The following KIRREL3 variants were observed in gnomAD, a reference collection of about 807,000 sequenced individuals.
KIRREL3 encodes kin of IRRE-like protein 3.
KIRREL3 carries 36 observed loss-of-function variants against 89.7 expected under a neutral mutation model. The observed-to-expected ratio is 0.40, with a 90% CI of 0.31 to 0.53. KIRREL3 has a LOEUF of 0.53. Ranked by LOEUF, KIRREL3 falls within the 20% of genes least tolerant of loss-of-function variation. The pLI, the probability that KIRREL3 is intolerant of heterozygous loss-of-function variation, is 0.49. For synonymous variants in KIRREL3, 445 were observed against 441.4 expected (o/e 1.01, Z -0.10); for missense variants, 864 against 1,056.6 (o/e 0.82, Z 2.53).
At chr11:126,517,317 G>C (rs529722151) in intron 4 of KIRREL3, among the ~76,000 whole-genome samples, 1 of 152,314 alleles carries the variant, frequency 6.6e-6, no homozygotes, top group Admixed American at 6.5e-5. Context: ...CCAGCCTTAA[G>C]GACCTTGCCC....
intron 1 of KIRREL3, among the ~76,000 whole-genome samples, chr11:126,910,377 C>T (rs1001564162): frequency 1.3e-5 from 2 of 151,920 alleles, no homozygotes; most frequent in African/African-American, 2.4e-5. Context: ...GGGGTTGGGG[C>T]CTAGTGGGTA....
Position 126,429,285 on chromosome 11 carries a change from A to G in KIRREL3, c.1700T>C (p.Leu567Pro). ...AFCCARSQRN[L>P]KGVVSAKNDI... ...ATTTTTGGCTGACACAACACCTTTGAGATCTGGAGATAAAATAGTAAAGTG... is the reference window on the plus strand; with the variant it reads ...ATTTTTGGCTGACACAACACCTTTGGGATCTGGAGATAAAATAGTAAAGTG... Residue 567 changes from leucine to proline, a missense_variant, in exon 15 of 17, where the codon CTC (leucine) becomes CCC (proline). By Grantham distance (98) the Leu-to-Pro change is moderately conservative. Coordinates refer to ENST00000525144, the MANE Select transcript of KIRREL3 (RefSeq NM_032531.4). This position sits in a 1 kb window ranked among gnomAD's most constrained non-coding sequence, Gnocchi z 5.2. 6.2e-7 allele frequency: 1 copy of G among 1,603,810 alleles called. No individual in the cohort carries two copies. The highest frequency in any genetic ancestry group is 8.5e-7 in the Non-Finnish European group (1 of 1,170,656).
intron 5 of KIRREL3, among the ~76,000 whole-genome samples, chr11:126,468,230 G>A (rs769128733): frequency 3.3e-5 from 5 of 152,202 alleles, no homozygotes; most frequent in Admixed American, 6.5e-5. Flanking sequence ...AAGAAAGAAT[G>A]TGGTCTCCAC....
intron 1 of KIRREL3, among the ~76,000 whole-genome samples, chr11:126,853,402 T>C (rs1413279569): frequency 2.0e-5 from 3 of 152,250 alleles, no homozygotes; most frequent in Non-Finnish European, 1.5e-5. Context: ...TTTTCATTTA[T>C]AACAAGAAGT....
Position 126,428,592 on chromosome 11 carries a change from CAT to C in KIRREL3, c.1806+585_1806+586del, listed in dbSNP as rs1955021574. Among the ~76,000 whole-genome samples the C allele has an allele frequency of 6.6e-6, 1 of 152,070 alleles. No homozygotes were observed. Among genetic ancestry groups the C allele is most frequent in the South Asian group, 2.1e-4 (1 of 4,816 alleles). On this transcript the variant is annotated intron_variant, in intron 15 of 16. Transcript: ENST00000525144. This position sits in a 1 kb window ranked among gnomAD's most constrained non-coding sequence, Gnocchi z 6.4. The stretch of plus-strand genomic sequence containing the variant: ...TAACAACATATTGTGGCAATTTATG[CAT>C]ATGTCTTTTCTCCTTACTGAAGAGC...
intron 1 of KIRREL3, among the ~76,000 whole-genome samples, chr11:126,597,248 C>T (rs1042521076): frequency 6.6e-6 from 1 of 152,188 alleles, no homozygotes; most frequent in African/African-American, 2.4e-5. Context: ...GGCCAGAGCC[C>T]GCCTGTCACT....
chr11:127,003,316 C>A (rs1305378992), upstream of KIRREL3: 1 of 152,348 alleles, frequency 6.6e-6, no homozygotes, highest in East Asian at 1.9e-4. Flanking sequence ...CCGCCATCTC[C>A]GCCCGGCTGC....
At chr11:126,722,275 G>C (rs1948205103) in intron 1 of KIRREL3, among the ~76,000 whole-genome samples, 1 of 152,190 alleles carries the variant, frequency 6.6e-6, no homozygotes. Context: ...CTTCCCAAAA[G>C]GCCCTTCTCC....
At chr11:126,804,668 A>G (rs540276225) in intron 1 of KIRREL3, among the ~76,000 whole-genome samples, 1 of 152,308 alleles carries the variant, frequency 6.6e-6, no homozygotes, top group East Asian at 1.9e-4. Context: ...GGAGCTATGA[A>G]ATATACCTCC....
At chr11:126,618,667 T>C (rs552971139) in intron 1 of KIRREL3, among the ~76,000 whole-genome samples, 1 of 152,354 alleles carries the variant, frequency 6.6e-6, no homozygotes, top group South Asian at 2.1e-4. Flanking sequence ...ACTCCTGACC[T>C]CAGGTGATCC....
rs1949898753 is a variant in KIRREL3 at position 126,987,453 on chromosome 11, G to A, written c.55+13002C>T. Among the ~76,000 whole-genome samples, 1 of 152,220 alleles carries A rather than the reference G, an allele frequency of 6.6e-6. No homozygotes were observed. Among genetic ancestry groups the A allele is most frequent in the Non-Finnish European group, 1.5e-5 (1 of 68,050 alleles). Reference sequence around the variant, plus strand: ...CTGTTATTTTCACAGACAAACAGGAGAGGTAAGTGTTCAGATTTTCTGGTT... The same window carrying A: ...CTGTTATTTTCACAGACAAACAGGAAAGGTAAGTGTTCAGATTTTCTGGTT... On this transcript the variant is annotated intron_variant, in intron 1 of 16. Transcript: ENST00000525144. The surrounding 1 kb of genome is among the most constrained non-coding windows in gnomAD (Gnocchi z 4.6).
rs1460300179 is a variant in KIRREL3, at chr11:126,943,007, G to A, written c.55+57448C>T. Reference sequence around the variant, plus strand: ...TAAGGAGGCTATATGACTGTGGAGAGGAACATTAAAAGATTTTATTCTAAG... The same window carrying A: ...TAAGGAGGCTATATGACTGTGGAGAAGAACATTAAAAGATTTTATTCTAAG... On this transcript the variant is annotated intron_variant, in intron 1 of 16. Transcript: ENST00000525144. This position sits in a 1 kb window ranked among gnomAD's most constrained non-coding sequence, Gnocchi z 4.2. 1.3e-5 allele frequency among the ~76,000 whole-genome samples: 2 copies of A among 152,216 alleles called. No homozygotes were observed. Among genetic ancestry groups the A allele is most frequent in the Non-Finnish European group, 2.9e-5 (2 of 68,038 alleles).
chr11:126,765,133 A>T (rs1437625678), intron 1 of KIRREL3, among the ~76,000 whole-genome samples: 2 of 152,222 alleles, frequency 1.3e-5, no homozygotes, highest in African/African-American at 2.4e-5. Flanking sequence ...CTATGGTTGC[A>T]GAATGGTAAC....
chr11:126,920,419 C>A (rs1230643930), intron 1 of KIRREL3: 1 of 152,212 alleles, frequency 6.6e-6, no homozygotes, highest in Non-Finnish European at 1.5e-5. Flanking sequence ...TGAAGATCCC[C>A]ACTGCACTGT....
intron 1 of KIRREL3, among the ~76,000 whole-genome samples, chr11:126,672,355 A>C (rs562453577): frequency 1.5e-4 from 23 of 152,294 alleles, no homozygotes; most frequent in African/African-American, 5.5e-4. Context: ...CTTTACTACA[A>C]ATAAAGTTGT....
intron 5 of KIRREL3, among the ~76,000 whole-genome samples, chr11:126,472,993 C>T (rs1484419108): frequency 1.9e-5 from 1 of 53,760 alleles, no homozygotes; most frequent in Non-Finnish European, 3.2e-5. Context: ...CTCTACCTAA[C>T]CCCCAGCCCC....
chr11:126,751,694 T>A (rs1398418514), intron 1 of KIRREL3, among the ~76,000 whole-genome samples: 1 of 151,870 alleles, frequency 6.6e-6, no homozygotes, highest in African/African-American at 2.4e-5. Context: ...TAGTGAGAAC[T>A]ATTGCTAGAT....
At chr11:126,938,493 C>T (rs1948299737) in intron 1 of KIRREL3, among the ~76,000 whole-genome samples, 1 of 152,206 alleles carries the variant, frequency 6.6e-6, no homozygotes, top group African/African-American at 2.4e-5. Context: ...GGCCACCATT[C>T]TAAACTGGCA....
At chr11:126,572,871 G>A (rs1024375576) in intron 1 of KIRREL3, among the ~76,000 whole-genome samples, 3 of 152,144 alleles carry the variant, frequency 2.0e-5, no homozygotes, top group African/African-American at 4.8e-5. Context: ...GTCCTAGCAG[G>A]GCCACACGCT....
Sources: allele counts gnomAD v4.1 joint callset (sites outside exome capture counted in the v4.1 genomes callset), GRCh38; gene constraint gnomAD v4.1.1; non-coding constraint Gnocchi (gnomAD v3.1); transcripts MANE v1.5; gene names NCBI Gene and HGNC (gene_info 2026-07-23, HGNC 2026-07-21).